Variants in PRKCH observed in about 807,000 individuals in gnomAD.
PRKCH encodes the protein protein kinase C eta.
PRKCH carries 28 observed loss-of-function variants against 82.5 expected under a neutral mutation model. That is an observed-to-expected ratio of 0.34 (90% CI 0.25 to 0.47). PRKCH has a LOEUF of 0.47. PRKCH is among the 20% of genes least tolerant of loss of function. PRKCH has a pLI of 1.00. For synonymous variants in PRKCH, 322 were observed against 327.4 expected (o/e 0.98, Z 0.18); for missense variants, 705 against 881.8 (o/e 0.80, Z 2.54).
chr14:61,322,035 G>A lies in PRKCH; in HGVS notation c.-67G>A. ...GCACCTGTCCCGAGGGCTGGCCTGA[G>A]ACGGGACTCCCGGTTCTCCCGCTGC... On this transcript the variant is annotated 5_prime_UTR_variant, in exon 1 of 14. Transcript: ENST00000332981. The A allele has an allele frequency of 6.8e-7, 1 of 1,470,678 alleles. No homozygotes were observed. Among genetic ancestry groups the A allele is most frequent in the African/African-American group, 1.4e-5 (1 of 70,806 alleles). 91.1% of individuals were successfully genotyped at this position (1,470,678 alleles called of 1,614,324 possible). A position where few individuals can be genotyped will look rare whatever the true frequency, so the allele number is the denominator to read the frequency against.
intron 9 of PRKCH, chr14:61,463,229 T>G (rs1042247326): frequency 8.5e-5 from 13 of 152,298 alleles, no homozygotes; most frequent in Admixed American, 8.5e-4. Flanking sequence ...CAGTGCGAAG[T>G]GCTGTTCAAA....
intron 12 of PRKCH, among the ~76,000 whole-genome samples, chr14:61,547,038 G>C (rs773063488): frequency 6.6e-6 from 1 of 152,232 alleles, no homozygotes; most frequent in Non-Finnish European, 1.5e-5. Flanking sequence ...TCGCTTAGCT[G>C]TGTGGCAGCG....
chr14:61,189,156 C>G (rs2044390797), intron 1 of PRKCH, among the ~76,000 whole-genome samples: 1 of 152,244 alleles, frequency 6.6e-6, no homozygotes, highest in Admixed American at 6.5e-5. Context: ...CCCCAGCGCC[C>G]CCGCGAGGCC....
At chr14:61,249,314 C>A (rs1594873339) in intron 1 of PRKCH, among the ~76,000 whole-genome samples, 1 of 152,148 alleles carries the variant, frequency 6.6e-6, no homozygotes, top group Admixed American at 6.5e-5. Context: ...GGACACAGCG[C>A]CCTTCTCTAG....
At chr14:61,227,388 T>C (rs906910653) in intron 1 of PRKCH, among the ~76,000 whole-genome samples, 1 of 152,094 alleles carries the variant, frequency 6.6e-6, no homozygotes, top group Admixed American at 6.5e-5. Flanking sequence ...GGTCAGGAGA[T>C]CGGGACCATC....
intron 6 of PRKCH, 42 bp downstream of exon 6, chr14:61,451,013 C>CA: frequency 1.2e-6 from 2 of 1,602,204 alleles, no homozygotes; most frequent in Non-Finnish European, 1.7e-6. Context: ...TTCATGGGAA[C>CA]ACTATGCCCT....
intron 1 of PRKCH, among the ~76,000 whole-genome samples, chr14:61,334,585 G>A (rs1056138374): frequency 6.6e-6 from 1 of 152,156 alleles, no homozygotes; most frequent in Non-Finnish European, 1.5e-5. Flanking sequence ...CCTACCGTGA[G>A]AACAAGCTTG....
chr14:61,279,108 A>G (rs2045232079), intron 1 of PRKCH: 1 of 152,128 alleles, frequency 6.6e-6, no homozygotes, highest in African/African-American at 2.4e-5. Flanking sequence ...TCTACGTTAA[A>G]GCATTTCCTC....
At chr14:61,337,603 T>A (rs1020107325) in intron 1 of PRKCH, among the ~76,000 whole-genome samples, 2 of 152,128 alleles carry the variant, frequency 1.3e-5, no homozygotes, top group African/African-American at 4.8e-5. Context: ...AAACCTTTTT[T>A]CTTATAGAGG....
At chr14:61,447,614 A>G (rs1277741234) in intron 4 of PRKCH, among the ~76,000 whole-genome samples, 1 of 152,234 alleles carries the variant, frequency 6.6e-6, no homozygotes, top group Non-Finnish European at 1.5e-5. Flanking sequence ...CAATGGAATT[A>G]AACTAGAAAT....
At chr14:61,547,264 C>G (rs775653523) in intron 12 of PRKCH, among the ~76,000 whole-genome samples, 8 of 150,214 alleles carry the variant, frequency 5.3e-5, no homozygotes, top group Admixed American at 5.3e-4. Context: ...CACAGATCTT[C>G]AAAAATAACG....
chr14:61,509,110 T>C (rs2248458), intron 10 of PRKCH, among the ~76,000 whole-genome samples: 129,837 of 152,090 alleles, frequency 0.85, 55,974 homozygotes, highest in East Asian at 0.95. Flanking sequence ...AAGTGGACTC[T>C]AGAAAGAGGC....
intron 12 of PRKCH, chr14:61,543,872 T>A (rs974242319): frequency 1.3e-5 from 2 of 152,274 alleles, no homozygotes; most frequent in Non-Finnish European, 2.9e-5. Flanking sequence ...CACCTCCAAC[T>A]CCACACCATC....
chr14:61,231,789 A>G (rs978665554), intron 1 of PRKCH, among the ~76,000 whole-genome samples: 6 of 152,142 alleles, frequency 3.9e-5, no homozygotes, highest in African/African-American at 1.4e-4. Flanking sequence ...GCAAAATACA[A>G]ATCTGTTTAG....
At chr14:61,432,331 T>A (rs899811608) in intron 2 of PRKCH, among the ~76,000 whole-genome samples, 1 of 152,254 alleles carries the variant, frequency 6.6e-6, no homozygotes, top group African/African-American at 2.4e-5. Context: ...TTATAATTTT[T>A]TAACATACCA....
At chr14:61,210,790 C>CTCTCTG (rs1351869252) in intron 1 of PRKCH, among the ~76,000 whole-genome samples, 6 of 138,984 alleles carry the variant, frequency 4.3e-5, no homozygotes, top group African/African-American at 1.7e-4. Flanking sequence ...CTCTCTCTCT[C>CTCTCTG]TGTGTGTGTG....
chr14:61,332,256 C>T (rs540009178), intron 1 of PRKCH, among the ~76,000 whole-genome samples: 4 of 152,268 alleles, frequency 2.6e-5, no homozygotes, highest in Admixed American at 2.0e-4. Context: ...AGGGTATTGA[C>T]TATGGTAGTG....
chr14:61,542,561 C>A (rs769031337), intron 12 of PRKCH, among the ~76,000 whole-genome samples: 6 of 152,090 alleles, frequency 3.9e-5, no homozygotes, highest in Admixed American at 6.5e-5. Flanking sequence ...AAGACCATTC[C>A]TCCCACTGCA....
At chr14:61,192,283 C>G (rs1448973084) in intron 1 of PRKCH, among the ~76,000 whole-genome samples, 1 of 152,118 alleles carries the variant, frequency 6.6e-6, no homozygotes, top group Non-Finnish European at 1.5e-5. Flanking sequence ...ATGTGAAAAG[C>G]CAGGTCAGAA....
Sources: gnomAD v4.1 joint callset for allele counts (sites outside exome capture counted in the v4.1 genomes callset) on GRCh38, gnomAD v4.1.1 for gene constraint, MANE v1.5 for transcripts, NCBI Gene and HGNC (gene_info 2026-07-23, HGNC 2026-07-21) for gene names.